Variants in NXPH2 observed in about 807,000 individuals in gnomAD.
NXPH2 encodes the protein neurexophilin 2, also known as neurexophilin-2.
Under a neutral mutation model 19.8 loss-of-function variants are expected in NXPH2, and 5 were observed. The ratio of observed to expected loss-of-function variants is 0.25; its 90% CI spans 0.13 to 0.53. The LOEUF (loss-of-function observed/expected upper bound fraction) is 0.53. Ranked by LOEUF, NXPH2 falls within the 20% of genes least tolerant of loss-of-function variation. The probability of loss-of-function intolerance (pLI) is 0.96; values close to 1 mark genes in which losing one functional copy is unlikely to be tolerated. For missense variants in NXPH2, 289 were observed against 322.8 expected (o/e 0.90, Z 0.80); for synonymous variants, 154 against 127.4 (o/e 1.21, Z -1.41).
chr2:138,728,698 A>G (rs1001697147), intron 1 of NXPH2, among the ~76,000 whole-genome samples: 7 of 152,234 alleles, frequency 4.6e-5, no homozygotes, highest in African/African-American at 1.7e-4. Flanking sequence ...CTGCCAGAAC[A>G]TCAATGTAGA....
chr2:138,747,587 C>G (rs1681759653), intron 1 of NXPH2, among the ~76,000 whole-genome samples: 1 of 152,164 alleles, frequency 6.6e-6, no homozygotes, highest in South Asian at 2.1e-4. Context: ...TTCTGCTATT[C>G]CCTGGTTGGA....
At chr2:138,721,306 A>G (rs1346904620) in intron 1 of NXPH2, among the ~76,000 whole-genome samples, 1 of 151,486 alleles carries the variant, frequency 6.6e-6, no homozygotes, top group Non-Finnish European at 1.5e-5. Flanking sequence ...GCACCACTGC[A>G]CTCCAAGCTG....
intron 1 of NXPH2, among the ~76,000 whole-genome samples, chr2:138,770,131 A>T (rs931285397): frequency 2.4e-4 from 36 of 152,182 alleles, no homozygotes; most frequent in Admixed American, 2.2e-3. Context: ...TTCCCAAAAC[A>T]AAAAGGCCCA....
At chr2:138,768,012 T>G (rs942334479) in intron 1 of NXPH2, among the ~76,000 whole-genome samples, 1 of 152,152 alleles carries the variant, frequency 6.6e-6, no homozygotes, top group African/African-American at 2.4e-5. Context: ...CTTAACTTTT[T>G]ATTTTGTCAG....
At chr2:138,732,351 T>C (rs1179918967) in intron 1 of NXPH2, among the ~76,000 whole-genome samples, 1 of 152,184 alleles carries the variant, frequency 6.6e-6, no homozygotes, top group Admixed American at 6.5e-5. Context: ...CATCCAGCAC[T>C]GGAAGAGTAG....
chr2:138,678,228 C>T (rs2104967327), intron 1 of NXPH2, among the ~76,000 whole-genome samples: 1 of 152,282 alleles, frequency 6.6e-6, no homozygotes, highest in Middle Eastern at 3.4e-3. Flanking sequence ...ATATTTTTCT[C>T]ATGATTACGC....
intron 1 of NXPH2, among the ~76,000 whole-genome samples, chr2:138,767,503 G>A (rs1682109751): frequency 1.3e-5 from 2 of 152,168 alleles, no homozygotes; most frequent in Admixed American, 6.5e-5. Flanking sequence ...ATGCAGGTTT[G>A]TTACATAGGT....
intron 1 of NXPH2, among the ~76,000 whole-genome samples, chr2:138,726,741 G>A (rs555044845): frequency 6.6e-6 from 1 of 152,134 alleles, no homozygotes; most frequent in African/African-American, 2.4e-5. Flanking sequence ...GCACCTCAGT[G>A]GTACATTTGT....
intron 1 of NXPH2, among the ~76,000 whole-genome samples, chr2:138,778,551 T>C (rs1226412505): frequency 6.6e-6 from 1 of 152,198 alleles, no homozygotes; most frequent in Non-Finnish European, 1.5e-5. Context: ...TAAGAGCCTA[T>C]CACACTGCTT....
chr2:138,717,310 G>A (rs1297164732), intron 1 of NXPH2, among the ~76,000 whole-genome samples: 1 of 152,008 alleles, frequency 6.6e-6, no homozygotes, highest in East Asian at 1.9e-4. Context: ...TAACAGTATT[G>A]ATGATATGGC....
In NXPH2 at chr2:138,692,362, C is replaced by A. The variant is rs188439071; in HGVS notation, c.52-20697G>T. On this transcript the variant is annotated intron_variant, in intron 1 of 1. Coordinates refer to ENST00000272641, the MANE Select transcript of NXPH2 (RefSeq NM_007226.3). The stretch of plus-strand genomic sequence containing the variant: ...AATGCTTGTTTATCATCAGCCACTG[C>A]AGTTCTGGTCAATTTTTATATTTCA... Among the ~76,000 whole-genome samples the A allele has an allele frequency of 3.7e-4, 56 of 152,310 alleles. 1 individual carries two copies. In the East Asian group the frequency reaches 0.01, roughly 28 times the overall value.
chr2:138,720,904 A>G (rs1439548831), intron 1 of NXPH2, among the ~76,000 whole-genome samples: 1 of 152,240 alleles, frequency 6.6e-6, no homozygotes, highest in Non-Finnish European at 1.5e-5. Flanking sequence ...CTAGATATTA[A>G]TGATAATCCA....
At chr2:138,774,829 G>A (rs1243642416) in intron 1 of NXPH2, among the ~76,000 whole-genome samples, 1 of 152,188 alleles carries the variant, frequency 6.6e-6, no homozygotes, top group African/African-American at 2.4e-5. Flanking sequence ...TAGACTCCAA[G>A]TCTTTTGACA....
At chr2:138,761,184 A>G (rs972518504) in intron 1 of NXPH2, among the ~76,000 whole-genome samples, 1 of 152,150 alleles carries the variant, frequency 6.6e-6, no homozygotes, top group African/African-American at 2.4e-5. Context: ...GAGCATATCC[A>G]GTCCACCTCA....
intron 1 of NXPH2, among the ~76,000 whole-genome samples, chr2:138,679,252 C>CT (rs1680533253): frequency 6.6e-6 from 1 of 152,186 alleles, no homozygotes; most frequent in African/African-American, 2.4e-5. Context: ...ATAGGTGGTA[C>CT]TTTTGTTACT....
chr2:138,722,968 T>G (rs1323708176), intron 1 of NXPH2, among the ~76,000 whole-genome samples: 1 of 152,222 alleles, frequency 6.6e-6, no homozygotes, highest in Non-Finnish European at 1.5e-5. Context: ...GCTTATTGCC[T>G]GCTGTGTCCT....
At chr2:138,755,934 A>G (rs540009548) in intron 1 of NXPH2, among the ~76,000 whole-genome samples, 2 of 151,994 alleles carry the variant, frequency 1.3e-5, no homozygotes, top group East Asian at 1.9e-4. Flanking sequence ...TTTTGGTGCC[A>G]TTGTAAAACT....
At chr2:138,757,908 T>C (rs1214854259) in intron 1 of NXPH2, among the ~76,000 whole-genome samples, 1 of 152,058 alleles carries the variant, frequency 6.6e-6, no homozygotes, top group Non-Finnish European at 1.5e-5. Context: ...GACTGATACA[T>C]ACCTTAATGA....
At chr2:138,704,930 T>C (rs1167890998) in intron 1 of NXPH2, among the ~76,000 whole-genome samples, 1 of 151,964 alleles carries the variant, frequency 6.6e-6, no homozygotes, top group African/African-American at 2.4e-5. Context: ...GTTCAAGCGA[T>C]TCTCCTGCCT....
Sources: gnomAD v4.1 joint callset for allele counts (sites outside exome capture counted in the v4.1 genomes callset) on GRCh38, gnomAD v4.1.1 for gene constraint, MANE v1.5 for transcripts, NCBI Gene and HGNC (gene_info 2026-07-23, HGNC 2026-07-21) for gene names.